The following USP25 variants were observed in gnomAD, a reference collection of about 807,000 sequenced individuals.
USP25 encodes ubiquitin carboxyl-terminal hydrolase 25.
A neutral mutation model predicts 158.5 loss-of-function variants in USP25; 85 were observed. The observed-to-expected ratio is 0.54, with a 90% CI of 0.45 to 0.64. The LOEUF (loss-of-function observed/expected upper bound fraction) is 0.64. Among genes scored for constraint, USP25 ranks in the 30% least tolerant of loss-of-function variants. The pLI is 0.00. For missense variants in USP25, 1,242 were observed against 1,327.3 expected (o/e 0.94, Z 1.00); for synonymous variants, 464 against 460.4 (o/e 1.01, Z -0.10).
intron 3 of USP25, among the ~76,000 whole-genome samples, chr21:15,767,175 C>T (rs2034088206): frequency 6.6e-6 from 1 of 152,150 alleles, no homozygotes; most frequent in Non-Finnish European, 1.5e-5. Flanking sequence ...GCCTCATTTT[C>T]CACTGTTTTC....
chr21:15,853,961 T>A (rs573514594), intron 20 of USP25, among the ~76,000 whole-genome samples: 154 of 152,312 alleles, frequency 1.0e-3, no homozygotes, highest in African/African-American at 3.2e-3. Context: ...CTTCCTTTTT[T>A]TGATTGATTC....
intron 1 of USP25, among the ~76,000 whole-genome samples, chr21:15,746,311 A>G (rs1212961705): frequency 6.6e-6 from 1 of 152,224 alleles, no homozygotes; most frequent in East Asian, 1.9e-4. Context: ...TAGCCTTTCA[A>G]TCCAAGAACA....
chr21:15,864,886 A>C (rs561850859), intron 21 of USP25, among the ~76,000 whole-genome samples: 17 of 152,280 alleles, frequency 1.1e-4, no homozygotes, highest in Non-Finnish European at 1.8e-4. Context: ...GTATTGCCAA[A>C]TAACTCCTAG....
chr21:15,810,087 T>C (rs1453624560), intron 8 of USP25, among the ~76,000 whole-genome samples: 1 of 152,174 alleles, frequency 6.6e-6, no homozygotes, highest in Non-Finnish European at 1.5e-5. Flanking sequence ...AGTGTGAATA[T>C]ACTTAACATT....
rs140074649 is a variant in USP25, at chr21:15,798,353, C to G, written c.556-1404C>G. Among the ~76,000 whole-genome samples the G allele has an allele frequency of 2.4e-3, 357 of 151,414 alleles. 2 individuals are homozygous for G. The highest frequency in any genetic ancestry group is 2.5e-3 in the Non-Finnish European group (168 of 67,452). Reference sequence around the variant, plus strand: ...AAGCTCCGCAGTTTATTAGAATACACAAGTATGTTTGAAAGCCCTTGTTTT... The same window carrying G: ...AAGCTCCGCAGTTTATTAGAATACAGAAGTATGTTTGAAAGCCCTTGTTTT... On this transcript the variant is annotated intron_variant, in intron 5 of 25. Transcript: ENST00000400183.
intron 17 of USP25, among the ~76,000 whole-genome samples, chr21:15,842,170 A>G (rs1250037439): frequency 6.6e-6 from 1 of 152,202 alleles, no homozygotes; most frequent in African/African-American, 2.4e-5. Flanking sequence ...ACCATAAACT[A>G]TAATGAGAGC....
intron 1 of USP25, among the ~76,000 whole-genome samples, chr21:15,730,976 G>GTTTTT (rs748732727): frequency 0.019 from 1,004 of 53,622 alleles, 148 homozygotes; most frequent in African/African-American, 0.039. Context: ...CTTCTTTTCT[G>GTTTTT]TTTTTTTTTT....
chr21:15,814,173 T>C (rs897913963), intron 9 of USP25, among the ~76,000 whole-genome samples: 15 of 149,992 alleles, frequency 1.0e-4, no homozygotes, highest in African/African-American at 3.7e-4. Context: ...CCACTTTTAC[T>C]TCTACCTCAT....
intron 5 of USP25, among the ~76,000 whole-genome samples, chr21:15,794,435 T>A (rs1166595775): frequency 2.6e-5 from 4 of 151,692 alleles, no homozygotes; most frequent in South Asian, 2.1e-4. Context: ...CACTTGGTAC[T>A]TTTATGTAGA....
chr21:15,838,471 T>C (rs1364853882), intron 17 of USP25, among the ~76,000 whole-genome samples: 1 of 152,038 alleles, frequency 6.6e-6, no homozygotes, highest in Non-Finnish European at 1.5e-5. Context: ...CGGATAAATT[T>C]ATGGTTTGAC....
At chr21:15,827,307 A>G in intron 14 of USP25, 104 bp downstream of exon 14, 1 of 1,005,776 alleles carries the variant, frequency 9.9e-7, no homozygotes, top group Non-Finnish European at 1.4e-6. Context: ...TAAATATTAT[A>G]GTCATTTTTC....
intron 6 of USP25, among the ~76,000 whole-genome samples, chr21:15,800,669 G>C (rs983998257): frequency 1.3e-5 from 2 of 151,434 alleles, no homozygotes; most frequent in Non-Finnish European, 3.0e-5. Context: ...TAAACAATCT[G>C]TAGTCCTAAA....
chr21:15,783,521 C>G (rs961491569), intron 4 of USP25, among the ~76,000 whole-genome samples: 2 of 152,102 alleles, frequency 1.3e-5, no homozygotes, highest in Admixed American at 6.5e-5. Flanking sequence ...TCCCATTAGA[C>G]TGTCAGTACA....
rs1460788477 is a variant in USP25 at position 15,875,646 on chromosome 21, A to G, written c.3009+1120A>G. ...GTAAACCTCGTCTGGATCTTGATGG[A>G]TAAATAGAAGTTTTATTCATGATAG... On this transcript the variant is annotated intron_variant, in intron 24 of 25. Transcript: ENST00000400183. This position sits in a 1 kb window ranked among gnomAD's most constrained non-coding sequence, Gnocchi z 4.7. Among the ~76,000 whole-genome samples the G allele has an allele frequency of 6.6e-6, 1 of 152,224 alleles. No homozygotes were observed. The highest frequency in any genetic ancestry group is 1.5e-5 in the Non-Finnish European group (1 of 68,024).
intron 6 of USP25, among the ~76,000 whole-genome samples, chr21:15,803,098 C>CA: frequency 6.6e-6 from 1 of 151,608 alleles, no homozygotes; most frequent in Non-Finnish European, 1.5e-5. Context: ...GGTAGCCCTA[C>CA]ATTATATTAA....
chr21:15,731,788 C>G (rs151230418), intron 1 of USP25, among the ~76,000 whole-genome samples: 29 of 152,096 alleles, frequency 1.9e-4, no homozygotes, highest in Non-Finnish European at 3.2e-4. Context: ...CCTAATCCTC[C>G]CTATTCTATT....
At chr21:15,732,805 C>T (rs1344579681) in intron 1 of USP25, among the ~76,000 whole-genome samples, 2 of 152,034 alleles carry the variant, frequency 1.3e-5, no homozygotes, top group Non-Finnish European at 2.9e-5. Context: ...TTTGGTTCGC[C>T]TATAGAATTC....
intron 19 of USP25, 140 bp from the exon 20 acceptor site, chr21:15,849,629 GTGCTTACA>G (rs1292564288): frequency 5.2e-6 from 3 of 577,510 alleles, no homozygotes; most frequent in Non-Finnish European, 8.7e-6. Context: ...ATCTTAAAAG[GTGCTTACA>G]TGCATATTGG....
At chr21:15,761,925 A>G (rs528611789) in intron 1 of USP25, among the ~76,000 whole-genome samples, 3 of 152,278 alleles carry the variant, frequency 2.0e-5, no homozygotes, top group African/African-American at 7.2e-5. Flanking sequence ...CTTCTGAGGA[A>G]GCAGGAAGTG....
Sources: allele counts gnomAD v4.1 joint callset (sites outside exome capture counted in the v4.1 genomes callset), GRCh38; gene constraint gnomAD v4.1.1; non-coding constraint Gnocchi (gnomAD v3.1); transcripts MANE v1.5; gene names NCBI Gene and HGNC (gene_info 2026-07-23, HGNC 2026-07-21).